Variants in KIF18A observed in about 807,000 individuals in gnomAD.
KIF18A encodes the protein kinesin family member 18A, also known as kinesin-like protein KIF18A.
In KIF18A, 67 loss-of-function variants were observed where a neutral mutation model predicts 103.3. That is an observed-to-expected ratio of 0.65 (90% CI 0.53 to 0.79). The LOEUF is 0.79. KIF18A is among the 30% of genes least tolerant of loss of function. The pLI is 0.00. For missense variants in KIF18A, 1,032 were observed against 1,062.5 expected (o/e 0.97, Z 0.40); for synonymous variants, 367 against 355.5 (o/e 1.03, Z -0.36).
chr11:28,037,498 A>G (rs1850508570), intron 13 of KIF18A, among the ~76,000 whole-genome samples: 1 of 151,596 alleles, frequency 6.6e-6, no homozygotes, highest in African/African-American at 2.4e-5. Context: ...TGTAGGCTAT[A>G]TACTATGCCA....
intron 2 of KIF18A, among the ~76,000 whole-genome samples, chr11:28,096,072 C>T (rs1269660413): frequency 7.3e-6 from 1 of 137,588 alleles, no homozygotes; most frequent in African/African-American, 2.7e-5. Flanking sequence ...ATGGTAAATA[C>T]CCAATACAAT....
chr11:28,102,692 T>C (rs1851460640), intron 1 of KIF18A, among the ~76,000 whole-genome samples: 1 of 152,232 alleles, frequency 6.6e-6, no homozygotes, highest in African/African-American at 2.4e-5. Flanking sequence ...TAAAGTATCA[T>C]GTATTTCCCT....
At chr11:28,022,513 C>T (rs1325799278) in intron 16 of KIF18A, among the ~76,000 whole-genome samples, 1 of 152,086 alleles carries the variant, frequency 6.6e-6, no homozygotes, top group Non-Finnish European at 1.5e-5. Context: ...GTGATCCACC[C>T]GCCTCAGCCT....
intron 10 of KIF18A, among the ~76,000 whole-genome samples, chr11:28,070,041 AGGGTCTTGCACACTATCATGAAAACAAT>A (rs956434990): frequency 2.0e-5 from 3 of 152,286 alleles, no homozygotes; most frequent in Admixed American, 2.0e-4. Context: ...TCTTACCCTA[AGGGTCTTGCACACTATCATGAAAACAAT>A]GGGCCAGAAC....
At position 28,088,600 on chromosome 11, in the gene KIF18A, C is replaced by A. The variant is rs757193383; in HGVS notation, c.821G>T (p.Arg274Leu). The A allele has an allele frequency of 6.2e-7, 1 of 1,613,836 alleles. No homozygotes were observed. Among genetic ancestry groups the A allele is most frequent in the Non-Finnish European group, 8.5e-7 (1 of 1,179,900 alleles). ...RASTSGAKGT[R>L]FVEGTNINRS... ...ATTAATATTTGTGCCTTCTACAAATCGGGTCCCCTTAGCACCGGAAGTACT... is the reference window on the plus strand; with the variant it reads ...ATTAATATTTGTGCCTTCTACAAATAGGGTCCCCTTAGCACCGGAAGTACT... Residue 274 changes from arginine to leucine, a missense_variant, in exon 6 of 17, where the codon CGA (arginine) becomes CTA (leucine). By Grantham distance (102) the Arg-to-Leu change is moderately radical (BLOSUM62 -2). Coordinates refer to ENST00000263181, the MANE Select transcript of KIF18A (RefSeq NM_031217.4).
chr11:28,084,917 G>T (rs957236448), intron 6 of KIF18A, 109 bp from the exon 7 acceptor site: 2 of 720,314 alleles, frequency 2.8e-6, no homozygotes, highest in African/African-American at 1.8e-5. Context: ...GCCGAGGCAA[G>T]AGACTGAAGG....
chr11:28,059,935 C>T (rs1218745118), intron 12 of KIF18A, among the ~76,000 whole-genome samples: 1 of 151,988 alleles, frequency 6.6e-6, no homozygotes, highest in African/African-American at 2.4e-5. Context: ...CCTACCTCTC[C>T]TTTAAGTTAA....
At chr11:28,030,328 CAG>C in intron 15 of KIF18A, among the ~76,000 whole-genome samples, 1 of 151,878 alleles carries the variant, frequency 6.6e-6, no homozygotes, top group Non-Finnish European at 1.5e-5. Flanking sequence ...GGTACCAAAA[CAG>C]AGATATAGAC....
chr11:28,069,309 G>T lies in KIF18A; in HGVS notation c.1540C>A (p.Arg514Ser). 1.2e-6 allele frequency: 2 copies of T among 1,613,268 alleles called. No individual in the cohort carries two copies. The highest frequency in any genetic ancestry group is 2.2e-5 in the South Asian group (2 of 91,052). Reference protein sequence around the residue: ...QFDENTNWLHRVEKEMGLLSQ... With the variant: ...QFDENTNWLHSVEKEMGLLSQ... Reference sequence around the variant, plus strand: ...AAGAGTCCCATTTCTTTTTCGACACGATGGAGCCAATTAGTATTCTCATCA... The same window carrying T: ...AAGAGTCCCATTTCTTTTTCGACACTATGGAGCCAATTAGTATTCTCATCA... Residue 514 changes from arginine (R) to serine (S), a missense_variant, in exon 11 of 17, where the codon CGT becomes AGT. Physicochemically the swap from Arg to Ser is moderately radical, Grantham distance 110. Transcript: ENST00000263181.
intron 15 of KIF18A, among the ~76,000 whole-genome samples, chr11:28,030,534 G>A (rs945161356): frequency 1.1e-4 from 17 of 152,158 alleles, no homozygotes; most frequent in Non-Finnish European, 2.2e-4. Flanking sequence ...ATTAATTCAA[G>A]ATGGATTAAA....
rs1236315213 is a variant in KIF18A, at chr11:28,090,243, G to A, written c.699+374C>T. 3.3e-5 allele frequency among the ~76,000 whole-genome samples: 5 copies of A among 152,254 alleles called. No homozygotes were observed. The East Asian group carries it at 9.6e-4, about 29-fold the overall frequency. On this transcript the variant is annotated intron_variant, in intron 5 of 16. Coordinates refer to ENST00000263181, the MANE Select transcript of KIF18A (RefSeq NM_031217.4). ...CGACTATTTACATGGTCCTTATGGT[G>A]AAATCTTTTAAAGATGAATCAGTAT...
chr11:28,060,410 T>C (rs1293903966), intron 12 of KIF18A, among the ~76,000 whole-genome samples: 2 of 152,170 alleles, frequency 1.3e-5, no homozygotes, highest in East Asian at 3.8e-4. Flanking sequence ...CTACAAGTCT[T>C]AAATATTTCA....
Position 28,065,849 on chromosome 11 carries a change from ATACTC to A in KIF18A, c.1591-3338_1591-3334del, listed in dbSNP as rs1850913371. Among the ~76,000 whole-genome samples, 3 of 152,042 alleles carry A rather than the reference ATACTC, an allele frequency of 2.0e-5. No homozygotes were observed. In the South Asian group the frequency reaches 6.2e-4, roughly 31 times the overall value. On this transcript the variant is annotated intron_variant, in intron 11 of 16. Coordinates refer to ENST00000263181, the MANE Select transcript of KIF18A (RefSeq NM_031217.4). The stretch of plus-strand genomic sequence containing the variant: ...TAAGTTAGGATCTTGAGAGGTGAAA[ATACTC>A]TAGCAATATCATTTAAAACTTATAT...
At chr11:28,087,241 C>A (rs1378321532) in intron 6 of KIF18A, among the ~76,000 whole-genome samples, 1 of 152,178 alleles carries the variant, frequency 6.6e-6, no homozygotes. Context: ...CCCACACCCC[C>A]TGACAGGCCC....
intron 15 of KIF18A, among the ~76,000 whole-genome samples, chr11:28,033,147 C>T (rs1850433039): frequency 6.6e-6 from 1 of 151,690 alleles, no homozygotes; most frequent in Non-Finnish European, 1.5e-5. Flanking sequence ...TAAATCAAAA[C>T]TACAATGAGA....
intron 1 of KIF18A, among the ~76,000 whole-genome samples, chr11:28,105,886 A>G (rs1428464300): frequency 6.6e-6 from 1 of 152,220 alleles, no homozygotes; most frequent in Admixed American, 6.5e-5. Context: ...GACATTCGTC[A>G]TTGCATTCAA....
intron 10 of KIF18A, among the ~76,000 whole-genome samples, chr11:28,074,726 A>G (rs965154815): frequency 6.6e-6 from 1 of 152,228 alleles, no homozygotes; most frequent in Admixed American, 6.5e-5. Flanking sequence ...AGAAATGCAA[A>G]ATTTTTCTAT....
chr11:28,047,169 T>G (rs1157518144), intron 13 of KIF18A, among the ~76,000 whole-genome samples: 1 of 151,984 alleles, frequency 6.6e-6, no homozygotes, highest in Non-Finnish European at 1.5e-5. Context: ...CCAGTAATTT[T>G]ATATCTTCCT....
At chr11:28,082,380 A>G (rs1354615424) in intron 9 of KIF18A, among the ~76,000 whole-genome samples, 1 of 152,094 alleles carries the variant, frequency 6.6e-6, no homozygotes, top group African/African-American at 2.4e-5. Flanking sequence ...AGCCACTCCA[A>G]CTTGCAGCAA....
Sources: allele counts gnomAD v4.1 joint callset (sites outside exome capture counted in the v4.1 genomes callset), GRCh38; gene constraint gnomAD v4.1.1; transcripts MANE v1.5; gene names NCBI Gene and HGNC (gene_info 2026-07-23, HGNC 2026-07-21).